The following GRIA3 variants were observed in gnomAD, a reference collection of about 807,000 sequenced individuals.
The protein encoded by GRIA3 is glutamate receptor 3.
A neutral mutation model predicts 63.0 loss-of-function variants in GRIA3; 3 were observed. That is an observed-to-expected ratio of 0.05 (90% confidence interval 0.02 to 0.12). The LOEUF is 0.12. GRIA3 is among the 10% of genes least tolerant of loss of function. GRIA3 has a pLI of 1.00. For missense variants in GRIA3, 347 were observed against 700.9 expected, an observed-to-expected ratio of 0.50 and a Z score of 5.70; for synonymous variants, 274 against 257.9, an observed-to-expected ratio of 1.06 and a Z score of -0.60.
At chrX:123,375,117 C>A in intron 5 of GRIA3, among the ~76,000 whole-genome samples, 1 of 111,554 alleles carries the variant, frequency 9.0e-6, no homozygotes, top group East Asian at 2.8e-4. Flanking sequence ...TCCTTCTATA[C>A]CCAGTTTTTT....
intron 2 of GRIA3, among the ~76,000 whole-genome samples, chrX:123,208,033 AAAAC>A (rs750626787): frequency 7.1e-5 from 8 of 112,443 alleles, no homozygotes; most frequent in African/African-American, 2.6e-4. Context: ...CTCAACTGGA[AAAAC>A]AAACAATAGA....
intron 2 of GRIA3, among the ~76,000 whole-genome samples, chrX:123,216,008 T>C (rs943411591): frequency 8.9e-6 from 1 of 111,885 alleles, no homozygotes; most frequent in Non-Finnish European, 1.9e-5. Flanking sequence ...CTCTGCTCTC[T>C]AGGAGGAAAA....
At chrX:123,442,833 C>CT (rs11349023) in intron 12 of GRIA3, among the ~76,000 whole-genome samples, 69 of 98,829 alleles carry the variant, frequency 7.0e-4, no homozygotes, top group East Asian at 2.6e-3. Context: ...TTCTGCTTTG[C>CT]TTTTTTTTTT....
At chrX:123,471,787 A>C (rs1289803862) in intron 13 of GRIA3, among the ~76,000 whole-genome samples, 3 of 105,630 alleles carry the variant, frequency 2.8e-5, no homozygotes, top group Non-Finnish European at 5.8e-5. Flanking sequence ...GTGGGGGCAA[A>C]TTTCTTTTAC....
chrX:123,259,276 T>G lies in GRIA3; in HGVS notation c.508+5734T>G, dbSNP rs370459060. The stretch of plus-strand genomic sequence containing the variant: ...TCAACCGGCTAGATTTGAACTCTAC[T>G]GAGAGACAAGCAAAGTTTCAGCCTC... On this transcript the variant is annotated intron_variant, in intron 3 of 15. Coordinates refer to ENST00000620443, the MANE Select transcript of GRIA3 (RefSeq NM_007325.5). 9.0e-5 allele frequency among the ~76,000 whole-genome samples: 10 copies of G among 111,695 alleles called. No individual in the cohort carries two copies. In the East Asian group the frequency reaches 1.4e-3, roughly 16 times the overall value.
chrX:123,385,328 T>A (rs1403895534), intron 5 of GRIA3, among the ~76,000 whole-genome samples: 1 of 111,742 alleles, frequency 8.9e-6, no homozygotes, highest in Non-Finnish European at 1.9e-5. Flanking sequence ...ACCTTATTTC[T>A]GGGTAACCTA....
At chrX:123,290,661 T>G (rs1334516420) in intron 3 of GRIA3, among the ~76,000 whole-genome samples, 2 of 109,601 alleles carry the variant, frequency 1.8e-5, no homozygotes, top group Non-Finnish European at 3.8e-5. Context: ...TTATTTGCAT[T>G]AGACATCATA....
In GRIA3 at chrX:123,398,700, G is replaced by A; in HGVS notation, c.977G>A (p.Arg326Lys). The A allele has an allele frequency of 8.3e-7, 1 of 1,207,332 alleles. No individual in the cohort carries two copies. Among genetic ancestry groups the A allele is most frequent in the East Asian group, 3.0e-5 (1 of 33,821 alleles). The change falls in exon 7 of 16, where the codon AGG (arginine) becomes AAG (lysine). Residue 326 changes from arginine (R) to lysine (K), a missense_variant. Around this residue, in one of 8 missense-constraint regions of GRIA3, gnomAD observed 65 missense variants for 145.8 expected, o/e 0.45. Coordinates refer to ENST00000620443, the MANE Select transcript of GRIA3 (RefSeq NM_007325.5). ...GCAGAAGCTTTCCGCTACCTGAGGA[G>A]GCAGCGAGTAGATGTGTCCCGGAGA... ...VIAEAFRYLRRQRVDVSRRGS... is the reference protein window; with the variant it reads ...VIAEAFRYLRKQRVDVSRRGS...
intron 5 of GRIA3, among the ~76,000 whole-genome samples, chrX:123,374,030 G>T (rs181486225): frequency 0.012 from 1,364 of 111,711 alleles, 22 homozygotes; most frequent in African/African-American, 0.042. Flanking sequence ...ATTAATTTTT[G>T]TATAGGGTGT....
At chrX:123,365,142 A>G (rs2045201979) in intron 5 of GRIA3, among the ~76,000 whole-genome samples, 1 of 112,163 alleles carries the variant, frequency 8.9e-6, no homozygotes, top group South Asian at 3.7e-4. Flanking sequence ...AAGCAAGGTG[A>G]TGGATATGTG....
At chrX:123,210,259 CA>C (rs1270426750) in intron 2 of GRIA3, among the ~76,000 whole-genome samples, 1 of 107,854 alleles carries the variant, frequency 9.3e-6, no homozygotes, top group Non-Finnish European at 1.9e-5. Context: ...TTTCCTATCC[CA>C]CATTCTGTTC....
chrX:123,472,799 T>C (rs1048377822), intron 13 of GRIA3, among the ~76,000 whole-genome samples: 2 of 112,827 alleles, frequency 1.8e-5, no homozygotes, highest in African/African-American at 6.4e-5. Context: ...GCAGCATAGA[T>C]GCTCATCAAT....
chrX:123,189,679 G>A (rs1437126005), intron 2 of GRIA3, among the ~76,000 whole-genome samples: 1 of 112,677 alleles, frequency 8.9e-6, no homozygotes, highest in African/African-American at 3.2e-5. Context: ...TAACCTTAAA[G>A]GTTATTCACC....
At chrX:123,428,396 A>G (rs752364370) in intron 12 of GRIA3, among the ~76,000 whole-genome samples, 3 of 111,262 alleles carry the variant, frequency 2.7e-5, no homozygotes, top group Non-Finnish European at 5.7e-5. Flanking sequence ...CCCTGCCACA[A>G]AGTGATTGTT....
At chrX:123,207,246 C>G (rs1345055037) in intron 2 of GRIA3, among the ~76,000 whole-genome samples, 1 of 111,288 alleles carries the variant, frequency 9.0e-6, no homozygotes, top group East Asian at 2.8e-4. Flanking sequence ...TTTTTTCTTC[C>G]TATGACTCCT....
chrX:123,282,387 A>G (rs958244900), intron 3 of GRIA3, among the ~76,000 whole-genome samples: 3 of 112,230 alleles, frequency 2.7e-5, no homozygotes, highest in Non-Finnish European at 5.6e-5. Context: ...ATATCTGAAA[A>G]ACAATCCCAT....
chrX:123,465,892 G>A, intron 13 of GRIA3: 1 of 643,624 alleles, frequency 1.6e-6, no homozygotes. Flanking sequence ...ACATAAAGTG[G>A]AATGACCAGG....
chrX:123,202,610 T>C, intron 2 of GRIA3: 1 of 1,161,531 alleles, frequency 8.6e-7, no homozygotes, highest in Non-Finnish European at 1.1e-6. Flanking sequence ...CAGAAGCAGC[T>C]TCCCCTCACC....
chrX:123,403,601 A>C (rs1470702772), intron 9 of GRIA3, 82 bp downstream of exon 9: 1 of 649,317 alleles, frequency 1.5e-6, no homozygotes, highest in Non-Finnish European at 2.6e-6. Context: ...CCAGTAGAAA[A>C]GACCTCAAGT....
Sources: gnomAD v4.1 joint callset for allele counts (sites outside exome capture counted in the v4.1 genomes callset) on GRCh38, gnomAD v4.1.1 for gene constraint, gnomAD v4.1.1 regional missense constraint, MANE v1.5 for transcripts, NCBI Gene and HGNC (gene_info 2026-07-23, HGNC 2026-07-21) for gene names.